KCNMA1: variants seen among roughly 807,000 people sequenced by gnomAD.
KCNMA1 encodes the protein potassium calcium-activated channel subfamily M alpha 1.
A neutral mutation model predicts 140.0 loss-of-function variants in KCNMA1; 29 were observed. The observed-to-expected ratio is 0.21, with a 90% CI of 0.15 to 0.28. The LOEUF (loss-of-function observed/expected upper bound fraction) is 0.28, where lower values mean the gene tolerates loss of function less well. KCNMA1 is among the 10% of genes least tolerant of loss of function. The pLI is 1.00. For synonymous variants in KCNMA1, 612 were observed against 611.9 expected, an observed-to-expected ratio of 1.00 and a Z score of 0.00; for missense variants, 880 against 1,602.2, an observed-to-expected ratio of 0.55 and a Z score of 7.70.
chr10:77,592,130 C>A (rs1024173205), intron 1 of KCNMA1, among the ~76,000 whole-genome samples: 1 of 152,064 alleles, frequency 6.6e-6, no homozygotes, highest in Non-Finnish European at 1.5e-5. Context: ...GCAGGAGAGA[C>A]CCAATCAATA....
At chr10:76,905,363 G>A (rs545627237) in intron 25 of KCNMA1, among the ~76,000 whole-genome samples, 1 of 152,334 alleles carries the variant, frequency 6.6e-6, no homozygotes, top group Non-Finnish European at 1.5e-5. Flanking sequence ...AGCGTATCCA[G>A]AAACAGTGGC....
At chr10:77,270,925 A>G (rs60085474) in intron 2 of KCNMA1, among the ~76,000 whole-genome samples, 7,810 of 152,254 alleles carry the variant, frequency 0.051, 193 homozygotes, top group Middle Eastern at 0.11. Context: ...AACATATAAT[A>G]TTAGTGTGTA....
At chr10:76,910,214 T>C (rs2049556113) in intron 24 of KCNMA1, 118 bp from the exon 25 acceptor site, 10 of 1,112,022 alleles carry the variant, frequency 9.0e-6, no homozygotes, top group Non-Finnish European at 1.3e-5. Flanking sequence ...AACAAAAGCA[T>C]GGAATAAGCT....
chr10:77,373,472 A>G (rs1039804176), intron 2 of KCNMA1, among the ~76,000 whole-genome samples: 4 of 152,168 alleles, frequency 2.6e-5, no homozygotes, highest in African/African-American at 9.7e-5. Context: ...CATCTTACGG[A>G]GTTATTTTCC....
chr10:77,113,754 G>A (rs140345026), intron 6 of KCNMA1, among the ~76,000 whole-genome samples: 9 of 152,220 alleles, frequency 5.9e-5, no homozygotes, highest in South Asian at 4.2e-4. Context: ...GTGATCCACC[G>A]CGCCCAGCCC....
At chr10:76,912,828 C>T (rs1030490519) in intron 24 of KCNMA1, 3 of 152,162 alleles carry the variant, frequency 2.0e-5, no homozygotes, top group African/African-American at 4.8e-5. Flanking sequence ...CAACCAGAGG[C>T]GTGGACCACA....
intron 9 of KCNMA1, 112 bp from the exon 10 acceptor site, chr10:77,090,622 T>A: frequency 1.4e-6 from 1 of 737,132 alleles, no homozygotes. Context: ...ATTCATCTCC[T>A]CCCTCCGCCT....
At chr10:77,523,420 C>G (rs1836814328) in intron 1 of KCNMA1, among the ~76,000 whole-genome samples, 1 of 152,150 alleles carries the variant, frequency 6.6e-6, no homozygotes, top group Non-Finnish European at 1.5e-5. Flanking sequence ...TAAAAACACA[C>G]AGAAAGACCA....
chr10:77,357,835 A>G (rs2093627379), intron 2 of KCNMA1, among the ~76,000 whole-genome samples: 2 of 152,144 alleles, frequency 1.3e-5, no homozygotes, highest in Non-Finnish European at 2.9e-5. Context: ...CACAACTGTA[A>G]GCTGGTGAAA....
chr10:76,886,368 T>C lies in KCNMA1; in HGVS notation c.*898A>G, dbSNP rs200628754. On this transcript the variant is annotated 3_prime_UTR_variant, in exon 28 of 28. Transcript: ENST00000286628. ...AGATGTAAAAGTCCCAGGAAGGCAG[T>C]TTTTAATGACTTACATCTGATATTT... 3.0e-6 allele frequency: 3 copies of C among 985,026 alleles called. No homozygotes were observed. The highest frequency in any genetic ancestry group is 3.6e-6 in the Non-Finnish European group (3 of 829,584). The allele number at this position is 985,026 out of a possible 1,614,324, so 61.0% of individuals were successfully genotyped here. A position where few individuals can be genotyped will look rare whatever the true frequency, so the allele number is the denominator to read the frequency against.
chr10:76,937,325 C>T (rs2060821298), intron 23 of KCNMA1, among the ~76,000 whole-genome samples: 2 of 152,172 alleles, frequency 1.3e-5, no homozygotes, highest in Admixed American at 1.3e-4. Context: ...AGGCACTGCC[C>T]CATTCTGGCC....
At chr10:77,052,588 C>A (rs1368484037) in intron 14 of KCNMA1, among the ~76,000 whole-genome samples, 1 of 149,092 alleles carries the variant, frequency 6.7e-6, no homozygotes, top group Non-Finnish European at 1.5e-5. Context: ...GAATGGATAC[C>A]TAGCATATCC....
At chr10:76,982,655 A>C (rs1476720643) in intron 19 of KCNMA1, among the ~76,000 whole-genome samples, 1 of 152,052 alleles carries the variant, frequency 6.6e-6, no homozygotes, top group African/African-American at 2.4e-5. Context: ...TACATTCCAA[A>C]TGATAGAATT....
At chr10:77,600,911 C>T (rs575907438) in intron 1 of KCNMA1, among the ~76,000 whole-genome samples, 1 of 152,270 alleles carries the variant, frequency 6.6e-6, no homozygotes, top group South Asian at 2.1e-4. Flanking sequence ...TCCACCACTC[C>T]CCCTCCCAGG....
intron 2 of KCNMA1, among the ~76,000 whole-genome samples, chr10:77,389,962 C>T (rs1470373505): frequency 2.0e-5 from 3 of 152,208 alleles, no homozygotes; most frequent in African/African-American, 7.2e-5. Flanking sequence ...AACTCTGCTT[C>T]ACGCCAATCA....
At chr10:77,248,256 A>T (rs2058992501) in intron 3 of KCNMA1, among the ~76,000 whole-genome samples, 8 of 152,122 alleles carry the variant, frequency 5.3e-5, no homozygotes, top group Admixed American at 5.2e-4. Context: ...AGACCTAGGG[A>T]GCCTGTTTTA....
intron 1 of KCNMA1, among the ~76,000 whole-genome samples, chr10:77,405,505 C>T (rs1402500894): frequency 9.2e-5 from 14 of 152,062 alleles, no homozygotes; most frequent in African/African-American, 2.4e-5. Flanking sequence ...TACAGGATAC[C>T]CAGTAAAATT....
chr10:77,440,155 A>C (rs942377115), intron 1 of KCNMA1, among the ~76,000 whole-genome samples: 3 of 152,318 alleles, frequency 2.0e-5, no homozygotes, highest in Non-Finnish European at 4.4e-5. Flanking sequence ...AGGAAAAAAA[A>C]CAAGCAAATT....
intron 2 of KCNMA1, among the ~76,000 whole-genome samples, chr10:77,386,358 G>T (rs2077641): frequency 1.3e-5 from 2 of 152,074 alleles, no homozygotes; most frequent in Admixed American, 6.5e-5. Flanking sequence ...CAGTTAATAG[G>T]GCTTTCTATT....
Sources: gnomAD v4.1 joint callset for allele counts (sites outside exome capture counted in the v4.1 genomes callset) on GRCh38, gnomAD v4.1.1 for gene constraint, MANE v1.5 for transcripts, NCBI Gene and HGNC (gene_info 2026-07-23, HGNC 2026-07-21) for gene names.